BZW2: variants seen among roughly 807,000 people sequenced by gnomAD.
The protein encoded by BZW2 is basic leucine zipper and W2 domains 2.
In BZW2, 23 loss-of-function variants were observed where a neutral mutation model predicts 53.2. The ratio of observed to expected loss-of-function variants is 0.43; its 90% CI spans 0.31 to 0.61. BZW2 has a LOEUF of 0.61. Ranked by LOEUF, BZW2 falls within the 20% of genes least tolerant of loss-of-function variation. The probability of loss-of-function intolerance (pLI) is 0.09; values close to 1 mark genes in which losing one functional copy is unlikely to be tolerated. For synonymous variants in BZW2, 227 were observed against 186.4 expected, an observed-to-expected ratio of 1.22 and a Z score of -1.77; for missense variants, 409 against 503.1, an observed-to-expected ratio of 0.81 and a Z score of 1.79.
intron 3 of BZW2, among the ~76,000 whole-genome samples, chr7:16,680,262 G>C (rs546370157): frequency 6.6e-6 from 1 of 152,182 alleles, no homozygotes; most frequent in Non-Finnish European, 1.5e-5. Context: ...CAAGCCTGAA[G>C]AAAGAACTAT....
intron 7 of BZW2, among the ~76,000 whole-genome samples, chr7:16,690,990 C>T (rs139035757): frequency 5.3e-5 from 8 of 152,258 alleles, no homozygotes; most frequent in Admixed American, 1.3e-4. Flanking sequence ...GGGTCCAGTC[C>T]CATGAGATAA....
At chr7:16,682,647 A>G (rs1782985206) in intron 4 of BZW2, 133 bp from the exon 5 acceptor site, 1 of 397,114 alleles carries the variant, frequency 2.5e-6, no homozygotes, top group African/African-American at 2.1e-5. Context: ...TATAGTTCTT[A>G]TATTACAGTG....
At chr7:16,705,511 G>A (rs187000803) in intron 11 of BZW2, among the ~76,000 whole-genome samples, 17 of 151,558 alleles carry the variant, frequency 1.1e-4, no homozygotes, top group Admixed American at 8.5e-4. Flanking sequence ...CAGTGAAACC[G>A]TGTCTCTACT....
In BZW2 at chr7:16,681,230, A is replaced by G. The variant is rs1583729566; in HGVS notation, c.236-71A>G. ...TGATTATTTTCTTTCATTTGCCAGA[A>G]TTGATGTGTTCTGCAAATGCTGTTC... is the stretch of plus-strand genomic sequence containing the variant. On this transcript the variant is annotated intron_variant, in intron 3 of 11. Coordinates refer to ENST00000258761, the MANE Select transcript of BZW2 (RefSeq NM_014038.3). The G allele has an allele frequency of 3.2e-5, 38 of 1,188,444 alleles. 1 individual carries two copies. In the South Asian group the frequency reaches 3.6e-4, roughly 11 times the overall value. The allele number at this position is 1,188,444 out of a possible 1,614,324, so 73.6% of individuals were successfully genotyped here.
chr7:16,656,555 G>GCGCGCGCACA (rs1321463865), intron 1 of BZW2, among the ~76,000 whole-genome samples: 13 of 141,300 alleles, frequency 9.2e-5, no homozygotes, highest in African/African-American at 2.9e-4. Flanking sequence ...GCGCGCGCGC[G>GCGCGCGCACA]CACACACACA....
Position 16,694,955 on chromosome 7 carries a change from T to C in BZW2, c.773T>C (p.Leu258Pro), listed in dbSNP as rs1783432641. Residue 258 changes from leucine (L) to proline (P), a missense_variant, in exon 8 of 12, where the codon CTG becomes CCG. By Grantham distance (98) the Leu-to-Pro change is moderately conservative. Around this residue, in one of 3 missense-constraint regions of BZW2, gnomAD observed 316 missense variants for 366.8 expected, o/e 0.86. Coordinates refer to ENST00000258761, the MANE Select transcript of BZW2 (RefSeq NM_014038.3). ...VQQSLGTRKE[L>P]QKELQERLSQ... ...CAGTCCCTGGGCACCAGGAAGGAAC[T>C]GCAGAAGGAGCTCCAGGAGCGTCTT... 6.3e-7 allele frequency: 1 copy of C among 1,596,688 alleles called. No homozygotes were observed.
At chr7:16,666,746 G>A (rs1316193839) in intron 2 of BZW2, among the ~76,000 whole-genome samples, 1 of 151,996 alleles carries the variant, frequency 6.6e-6, no homozygotes, top group South Asian at 2.1e-4. Context: ...GACAGCTACT[G>A]CAGACTCAAC....
chr7:16,651,969 C>G (rs1434418171), intron 1 of BZW2, among the ~76,000 whole-genome samples: 3 of 152,152 alleles, frequency 2.0e-5, no homozygotes, highest in African/African-American at 7.2e-5. Context: ...AAATAATTCT[C>G]TAAGACATTG....
Position 16,706,180 on chromosome 7 carries a change from T to A in BZW2, c.*92T>A, listed in dbSNP as rs1218151662. On this transcript the variant is annotated 3_prime_UTR_variant, in exon 12 of 12. Coordinates refer to ENST00000258761, the MANE Select transcript of BZW2 (RefSeq NM_014038.3). ...TGAGAAGAGAAACTTGGCTTCTGTT[T>A]TCGCAAAGGAAAAAAAAAATAGGAT... The A allele has an allele frequency of 2.8e-6, 4 of 1,413,420 alleles. No individual in the cohort carries two copies. The highest frequency in any genetic ancestry group is 3.9e-6 in the Non-Finnish European group (4 of 1,018,954). The allele number at this position is 1,413,420 out of a possible 1,614,324, so 87.6% of individuals were successfully genotyped here.
At position 16,664,590 on chromosome 7, in the gene BZW2, T is replaced by C. The variant is rs190580773; in HGVS notation, c.-7-847T>C. Among the ~76,000 whole-genome samples, 338 of 152,322 alleles carry C rather than the reference T, an allele frequency of 2.2e-3. 3 individuals carry two copies. The highest frequency in any genetic ancestry group is 0.018 in the South Asian group (85 of 4,822). ...ACGAGATGTGTATTGAACATACATA[T>C]ACCGTCAGAAAGGTAGCCAGGATCA... On this transcript the variant is annotated intron_variant, in intron 1 of 11. Transcript: ENST00000258761.
intron 5 of BZW2, among the ~76,000 whole-genome samples, chr7:16,684,028 T>C (rs1316340136): frequency 1.3e-5 from 2 of 152,364 alleles, no homozygotes; most frequent in East Asian, 3.9e-4. Flanking sequence ...TAAAGCTATA[T>C]GTATGAAGAT....
At chr7:16,686,708 T>C (rs1475788839) in intron 6 of BZW2, 1 of 152,298 alleles carries the variant, frequency 6.6e-6, no homozygotes, top group Non-Finnish European at 1.5e-5. Flanking sequence ...TGAGAACATC[T>C]GTTTCTTCTG....
chr7:16,680,912 T>C lies in BZW2; in HGVS notation c.236-389T>C, dbSNP rs1340148513. On this transcript the variant is annotated intron_variant, in intron 3 of 11. Coordinates refer to ENST00000258761, the MANE Select transcript of BZW2 (RefSeq NM_014038.3). ...CAAGGTCAGGAGTTCGAGACCAGCC[T>C]GACCAACATGGTGAAACCCCGTCTC... Among the ~76,000 whole-genome samples the C allele has an allele frequency of 2.0e-5, 3 of 152,268 alleles. No individual in the cohort carries two copies. The South Asian group carries it at 6.2e-4, about 32-fold the overall frequency.
At chr7:16,689,318 A>C (rs575180466) in intron 6 of BZW2, among the ~76,000 whole-genome samples, 1 of 152,336 alleles carries the variant, frequency 6.6e-6, no homozygotes, top group East Asian at 1.9e-4. Context: ...TCGTAGCAAT[A>C]CTTATTGTAT....
rs1467200657 is a variant in BZW2, at chr7:16,686,052, C to T, written c.541+12C>T. Reference sequence around the variant, plus strand: ...CTTAGTCAAAGAAGGTAACGAGGCTCCTGTTTTCTCGCCTGTCAGACAACA... The same window carrying T: ...CTTAGTCAAAGAAGGTAACGAGGCTTCTGTTTTCTCGCCTGTCAGACAACA... On this transcript the variant is annotated intron_variant, in intron 6 of 11. Transcript: ENST00000258761. The T allele has an allele frequency of 6.2e-7, 1 of 1,611,440 alleles. No individual in the cohort carries two copies. The highest frequency in any genetic ancestry group is 1.3e-5 in the African/African-American group (1 of 74,818).
intron 2 of BZW2, among the ~76,000 whole-genome samples, chr7:16,671,446 A>C (rs915342795): frequency 5.9e-5 from 9 of 152,158 alleles, no homozygotes; most frequent in Non-Finnish European, 1.2e-4. Flanking sequence ...TTGTTGTACG[A>C]ATCTCTTAAT....
chr7:16,694,830 TCAG>T lies in BZW2; in HGVS notation c.652-3_652-1del. 1 of 1,507,612 alleles carries T rather than the reference TCAG, an allele frequency of 6.6e-7. No individual in the cohort carries two copies. Among genetic ancestry groups the T allele is most frequent in the Non-Finnish European group, 9.0e-7 (1 of 1,108,826 alleles). The allele number at this position is 1,507,612 out of a possible 1,614,324, so 93.4% of individuals were successfully genotyped here. A position where few individuals can be genotyped will look rare whatever the true frequency, so the allele number is the denominator to read the frequency against. On this transcript the variant is annotated splice_acceptor_variant and splice_polypyrimidine_tract_variant and intron_variant, in intron 7 of 11. Coordinates refer to ENST00000258761, the MANE Select transcript of BZW2 (RefSeq NM_014038.3). LOFTEE classifies it high-confidence loss of function. ...TTTATAGCAGTCTTTTTTCCCTTTT[TCAG>T]GAACTCTTTCCAGTTAACAGACAGA...
chr7:16,671,738 C>G (rs915311736), intron 2 of BZW2, among the ~76,000 whole-genome samples: 20 of 151,986 alleles, frequency 1.3e-4, no homozygotes, highest in African/African-American at 4.8e-4. Flanking sequence ...TGAGACCAGC[C>G]TATGCAACAT....
intron 2 of BZW2, among the ~76,000 whole-genome samples, chr7:16,668,245 G>T (rs1562481532): frequency 6.6e-6 from 1 of 152,178 alleles, no homozygotes. Context: ...CACAACAGCA[G>T]ACGTGAGTCA....
Sources: gnomAD v4.1 joint callset for allele counts (sites outside exome capture counted in the v4.1 genomes callset) on GRCh38, gnomAD v4.1.1 for gene constraint, gnomAD v4.1.1 regional missense constraint, MANE v1.5 for transcripts, NCBI Gene and HGNC (gene_info 2026-07-23, HGNC 2026-07-21) for gene names.